MGAT4C: variants seen among roughly 807,000 people sequenced by gnomAD.
The protein encoded by MGAT4C is alpha-1,3-mannosyl-glycoprotein 4-beta-N-acetylglucosaminyltransferase C.
MGAT4C carries 19 observed loss-of-function variants against 40.1 expected under a neutral mutation model. The ratio of observed to expected loss-of-function variants is 0.47; its 90% confidence interval spans 0.33 to 0.70. The LOEUF (loss-of-function observed/expected upper bound fraction) is 0.70, where lower values mean the gene tolerates loss of function less well. Among genes scored for constraint, MGAT4C ranks in the 30% least tolerant of loss-of-function variants. MGAT4C has a pLI of 0.02. For missense variants in MGAT4C, 491 were observed against 563.2 expected (o/e 0.87, Z 1.30); for synonymous variants, 181 against 187.1 (o/e 0.97, Z 0.27).
At chr12:86,086,410 T>A in intron 1 of MGAT4C, among the ~76,000 whole-genome samples, 1 of 151,806 alleles carries the variant, frequency 6.6e-6, no homozygotes, top group Non-Finnish European at 1.5e-5. Context: ...AGGGGAGGAA[T>A]AGCATTAGGA....
chr12:86,447,531 C>G (rs1313795444), intron 2 of MGAT4C, among the ~76,000 whole-genome samples: 1 of 151,952 alleles, frequency 6.6e-6, no homozygotes, highest in Admixed American at 6.6e-5. Flanking sequence ...AAATCTTTAC[C>G]CTTCATGAGT....
At chr12:86,167,170 T>G (rs1233285542) in intron 1 of MGAT4C, among the ~76,000 whole-genome samples, 1 of 152,168 alleles carries the variant, frequency 6.6e-6, no homozygotes, top group African/African-American at 2.4e-5. Context: ...ATTTACTCAA[T>G]AATTACTCTA....
At position 86,395,744 on chromosome 12, in the gene MGAT4C, CT is replaced by C. The variant is rs113428623; in HGVS notation, c.-120+39412del. Among the ~76,000 whole-genome samples, 433 of 152,222 alleles carry C rather than the reference CT, an allele frequency of 2.8e-3. 2 individuals carry two copies. The highest frequency in any genetic ancestry group is 9.8e-3 in the African/African-American group (407 of 41,550). On this transcript the variant is annotated intron_variant, in intron 3 of 7. Coordinates refer to the MGAT4C transcript ENST00000548651. ...CTTTCCCTTGAAATCTATAACACAG[CT>C]TTAAAGTGAGTGTCTTCTCAATACA...
At chr12:86,126,642 A>G (rs1880314036) in intron 1 of MGAT4C, among the ~76,000 whole-genome samples, 2 of 152,242 alleles carry the variant, frequency 1.3e-5, no homozygotes, top group Non-Finnish European at 2.9e-5. Context: ...TAATTCATTT[A>G]AAGATAAACT....
At chr12:86,119,813 C>T (rs1398500282) in intron 1 of MGAT4C, among the ~76,000 whole-genome samples, 2 of 151,290 alleles carry the variant, frequency 1.3e-5, no homozygotes, top group Non-Finnish European at 2.9e-5. Flanking sequence ...ATCCTCCCAC[C>T]TCAGCCTTCC....
rs80108794 is a variant in MGAT4C at position 86,726,325 on chromosome 12, G to A, written c.-229+884C>T. ...AGGCATAAATTTATAGAGATGGAAC[G>A]TCAATATGCAGGTGACAGGTCTGAT... On this transcript the variant is annotated intron_variant, in intron 2 of 7. Transcript: ENST00000548651. Among the ~76,000 whole-genome samples, 710 of 152,248 alleles carry A rather than the reference G, an allele frequency of 4.7e-3. 4 individuals are homozygous for A. The highest frequency in any genetic ancestry group is 0.016 in the African/African-American group (684 of 41,528).
At position 86,466,070 on chromosome 12, in the gene MGAT4C, G is replaced by A. The variant is rs558369014; in HGVS notation, c.-228-30805C>T. Reference sequence around the variant, plus strand: ...CTAAAAATATAAAAATCAGCCAGGCGTGGTGGCAGGCGTCTGTAACCCCAG... The same window carrying A: ...CTAAAAATATAAAAATCAGCCAGGCATGGTGGCAGGCGTCTGTAACCCCAG... On this transcript the variant is annotated intron_variant, in intron 2 of 7. Coordinates refer to the MGAT4C transcript ENST00000548651. 2.6e-4 allele frequency among the ~76,000 whole-genome samples: 39 copies of A among 152,038 alleles called. No homozygotes were observed. The South Asian group carries it at 7.1e-3, about 28-fold the overall frequency.
intron 4 of MGAT4C, among the ~76,000 whole-genome samples, chr12:86,297,508 A>G (rs1033011306): frequency 1.3e-5 from 2 of 152,254 alleles, no homozygotes; most frequent in Admixed American, 6.5e-5. Context: ...AAACTGTAAA[A>G]GCAAGTTAGT....
At chr12:86,233,802 CA>C (rs1278240912) in intron 1 of MGAT4C, among the ~76,000 whole-genome samples, 7 of 152,120 alleles carry the variant, frequency 4.6e-5, no homozygotes, top group Admixed American at 3.9e-4. Flanking sequence ...AATAAAATTG[CA>C]GTAAGTATAT....
At chr12:86,170,538 T>C (rs1886702693) in intron 1 of MGAT4C, among the ~76,000 whole-genome samples, 1 of 152,248 alleles carries the variant, frequency 6.6e-6, no homozygotes. Flanking sequence ...CATTGTTTCA[T>C]GTCATGTAAA....
At chr12:86,644,689 C>T (rs1297878097) in intron 2 of MGAT4C, among the ~76,000 whole-genome samples, 1 of 151,498 alleles carries the variant, frequency 6.6e-6, no homozygotes, top group Non-Finnish European at 1.5e-5. Context: ...ACGAATAGAT[C>T]AACGAATAGA....
intron 2 of MGAT4C, among the ~76,000 whole-genome samples, chr12:86,526,170 T>C (rs1284410490): frequency 2.6e-5 from 4 of 152,044 alleles, no homozygotes; most frequent in Non-Finnish European, 5.9e-5. Context: ...GAGGGTCTGC[T>C]GTTCTCTGTG....
intron 1 of MGAT4C, among the ~76,000 whole-genome samples, chr12:86,735,173 A>G (rs1215408977): frequency 6.6e-6 from 1 of 151,990 alleles, no homozygotes; most frequent in Non-Finnish European, 1.5e-5. Context: ...AAGGGAGTCA[A>G]GAATATTTTA....
chr12:86,492,135 T>G (rs566412304), intron 2 of MGAT4C, among the ~76,000 whole-genome samples: 9 of 152,224 alleles, frequency 5.9e-5, no homozygotes, highest in African/African-American at 1.7e-4. Context: ...CACTGCTCAA[T>G]GAAATAAAAG....
chr12:86,581,219 T>C (rs1375492777), intron 2 of MGAT4C, among the ~76,000 whole-genome samples: 1 of 151,476 alleles, frequency 6.6e-6, no homozygotes, highest in African/African-American at 2.4e-5. Flanking sequence ...AGATTTTCTA[T>C]AACAGAGACT....
At chr12:86,209,770 T>C (rs542251166) in intron 1 of MGAT4C, among the ~76,000 whole-genome samples, 14 of 152,190 alleles carry the variant, frequency 9.2e-5, no homozygotes, top group African/African-American at 3.4e-4. Context: ...AAGAAGGTAA[T>C]TTTTTTCTTC....
intron 2 of MGAT4C, among the ~76,000 whole-genome samples, chr12:86,580,656 C>A (rs1447380628): frequency 6.7e-6 from 1 of 149,814 alleles, no homozygotes; most frequent in African/African-American, 2.4e-5. Context: ...TTAGCACTTT[C>A]TTCAAACCTT....
chr12:86,316,665 C>T (rs1465444514), intron 4 of MGAT4C, among the ~76,000 whole-genome samples: 1 of 151,842 alleles, frequency 6.6e-6, no homozygotes. Context: ...ATATTGAGTA[C>T]CAATGGAATT....
Position 85,980,307 on chromosome 12 carries a change from T to TGA in MGAT4C, c.417_418dup (p.His140LeufsTer3). 6.2e-7 allele frequency: 1 copy of TGA among 1,613,976 alleles called. No homozygotes were observed. Among genetic ancestry groups the TGA allele is most frequent in the Non-Finnish European group, 8.5e-7 (1 of 1,179,912 alleles). On this transcript the variant is annotated frameshift_variant, in exon 5 of 5. Coordinates refer to ENST00000611864, the MANE Select transcript of MGAT4C (RefSeq NM_001351288.2). LOFTEE classifies it high-confidence loss of function. ...CCAGGAAGAATTAAAGTCTGCTAGGTGAACCACCACTGAAATTTCCTTCAG... is the reference window on the plus strand; with the variant it reads ...CCAGGAAGAATTAAAGTCTGCTAGGTGAGAACCACCACTGAAATTTCCTTCAG...
Sources: gnomAD v4.1 joint callset for allele counts (sites outside exome capture counted in the v4.1 genomes callset) on GRCh38, gnomAD v4.1.1 for gene constraint, MANE v1.5 for transcripts, NCBI Gene and HGNC (gene_info 2026-07-23, HGNC 2026-07-21) for gene names.